MBL2: variants seen among roughly 807,000 people sequenced by gnomAD.
MBL2 encodes the protein mannose binding lectin 2, also known as mannose-binding protein C.
MBL2 carries 6 observed loss-of-function variants against 12.7 expected under a neutral mutation model. That is an observed-to-expected ratio of 0.47 (90% CI 0.26 to 0.94). The LOEUF (loss-of-function observed/expected upper bound fraction) is 0.94. MBL2 is among the 40% of genes least tolerant of loss of function. The pLI, the probability that MBL2 is intolerant of heterozygous loss-of-function variation, is 0.15. For synonymous variants in MBL2, 114 were observed against 112.0 expected, an observed-to-expected ratio of 1.02 and a Z score of -0.11; for missense variants, 307 against 295.2, an observed-to-expected ratio of 1.04 and a Z score of -0.29.
rs925810142 is a variant in MBL2, at chr10:52,770,763, C to T, written c.211G>A (p.Gly71Ser). 2 of 1,501,804 alleles carry T rather than the reference C, an allele frequency of 1.3e-6. No individual in the cohort carries two copies. The allele number at this position is 1,501,804 out of a possible 1,614,324, so 93.0% of individuals were successfully genotyped here. The change falls in exon 3 of 5, where the codon GGC becomes AGC. Residue 71 changes from glycine (G) to serine (S), a missense_variant. Transcript: ENST00000674931. ...GGAGGCCCCAACTTTCCAGGGGGGC[C>T]CTGTAAGCCTCTGAGCCCTTGGCCT... ...EPGQGLRGLQ[G>S]PPGKLGPPGN... is the part of the protein sequence containing the mutation.
At chr10:52,768,593 C>G (rs930509) in intron 4 of MBL2, 83 bp from the exon 5 acceptor site, 809,606 of 1,005,892 alleles carry the variant, frequency 0.8, 326,851 homozygotes, top group Admixed American at 0.89. Flanking sequence ...TTCTAGAGTA[C>G]AGTTGCCGGA....
intron 2 of MBL2, 108 bp from the exon 3 acceptor site, chr10:52,770,894 A>G: frequency 1.8e-6 from 1 of 543,118 alleles, no homozygotes; most frequent in South Asian, 5.3e-5. Flanking sequence ...TTGACCCAGG[A>G]CTGACCTTTC....
At chr10:52,770,830 GCT>G (rs745885940) in intron 2 of MBL2, 44 bp from the exon 3 acceptor site, 2 of 1,117,390 alleles carry the variant, frequency 1.8e-6, no homozygotes, top group South Asian at 2.3e-5. Flanking sequence ...CTATGTTCTT[GCT>G]CTCTCTCTTC....
chr10:52,770,760 G>A lies in MBL2; in HGVS notation c.214C>T (p.Pro72Ser). The change falls in exon 3 of 5, where the codon CCC becomes TCC. Residue 72 changes from proline (P) to serine (S), a missense_variant. Physicochemically the swap from Pro to Ser is moderately conservative, Grantham distance 74 (BLOSUM62 -1). Coordinates refer to ENST00000674931, the MANE Select transcript of MBL2 (RefSeq NM_001378373.1). ...PGQGLRGLQG[P>S]PGKLGPPGNP... Reference sequence around the variant, plus strand: ...CCTGGAGGCCCCAACTTTCCAGGGGGGCCCTGTAAGCCTCTGAGCCCTTGG... The same window carrying A: ...CCTGGAGGCCCCAACTTTCCAGGGGAGCCCTGTAAGCCTCTGAGCCCTTGG... 6.6e-7 allele frequency: 1 copy of A among 1,509,702 alleles called. No homozygotes were observed. Among genetic ancestry groups the A allele is most frequent in the Non-Finnish European group, 8.9e-7 (1 of 1,122,568 alleles). 93.5% of individuals were successfully genotyped at this position (1,509,702 alleles called of 1,614,324 possible). A position where few individuals can be genotyped will look rare whatever the true frequency, so the allele number is the denominator to read the frequency against.
Position 52,766,850 on chromosome 10 carries a change from G to A in MBL2, c.*1287C>T, listed in dbSNP as rs551861672. Reference sequence around the variant, plus strand: ...TTAAACAAAATACAAAAATGTGAACGGGTACTTCACAAAAGAAGATACCCA... The same window carrying A: ...TTAAACAAAATACAAAAATGTGAACAGGTACTTCACAAAAGAAGATACCCA... On this transcript the variant is annotated 3_prime_UTR_variant, in exon 5 of 5. Coordinates refer to ENST00000674931, the MANE Select transcript of MBL2 (RefSeq NM_001378373.1). 7.9e-5 allele frequency: 12 copies of A among 151,062 alleles called. No individual in the cohort carries two copies. The highest frequency in any genetic ancestry group is 2.1e-4 in the South Asian group (1 of 4,796). The allele number at this position is 151,062 out of a possible 1,614,324, so 9.4% of individuals were successfully genotyped here.
At chr10:52,770,864 T>G in intron 2 of MBL2, 78 bp from the exon 3 acceptor site, 1 of 770,182 alleles carries the variant, frequency 1.3e-6, no homozygotes, top group African/African-American at 1.8e-5. Context: ...GCCCAATCCC[T>G]TCTCAGGAGA....
At position 52,768,478 on chromosome 10, in the gene MBL2, T is replaced by A. The variant is rs1840341490; in HGVS notation, c.406A>T (p.Asn136Tyr). 6.3e-7 allele frequency: 1 copy of A among 1,588,070 alleles called. No homozygotes were observed. Among genetic ancestry groups the A allele is most frequent in the Admixed American group, 1.8e-5 (1 of 56,494 alleles). ...LTFSLGKQVG[N>Y]KFFLTNGEIM... The stretch of plus-strand genomic sequence containing the variant: ...TCACCATTGGTCAGGAAGAACTTGT[T>A]CCCAACTTGTTTGCCCAGAGAGAAG... The change falls in exon 5 of 5, where the codon AAC becomes TAC. Residue 136 changes from asparagine to tyrosine, a missense_variant. Coordinates refer to ENST00000674931, the MANE Select transcript of MBL2 (RefSeq NM_001378373.1).
intron 3 of MBL2, 23 bp from the exon 4 acceptor site, chr10:52,769,338 A>G (rs1840355866): frequency 1.9e-6 from 3 of 1,538,822 alleles, no homozygotes; most frequent in Non-Finnish European, 2.7e-6. Context: ...AACAAAGTAA[A>G]GAAGCATTGT....
At chr10:52,769,824 C>A (rs982779748) in intron 3 of MBL2, among the ~76,000 whole-genome samples, 6 of 152,126 alleles carry the variant, frequency 3.9e-5, no homozygotes, top group Non-Finnish European at 8.8e-5. Context: ...TGCCCATTAT[C>A]CAAGTGGGGA....
In MBL2 at chr10:52,767,907, C is replaced by T. The variant is rs776286808; in HGVS notation, c.*230G>A. 6 of 387,440 alleles carry T rather than the reference C, an allele frequency of 1.5e-5. No homozygotes were observed. The Admixed American group carries it at 2.4e-4, about 16-fold the overall frequency. 24.0% of individuals were successfully genotyped at this position (387,440 alleles called of 1,614,324 possible). Reference sequence around the variant, plus strand: ...ATGTAGGATGCAAAAGATAGGGCCTCATAGTATATATTAAAAATATTATAT... The same window carrying T: ...ATGTAGGATGCAAAAGATAGGGCCTTATAGTATATATTAAAAATATTATAT... On this transcript the variant is annotated 3_prime_UTR_variant, in exon 5 of 5. Transcript: ENST00000674931.
Position 52,769,242 on chromosome 10 carries a change from C to T in MBL2, c.373+5G>A, listed in dbSNP as rs753959115. ...GCTGCCTGGAGAGTAAGAGAAAAAG[C>T]TTACACTTTTTGATACGTGCCATTT... On this transcript the variant is annotated splice_donor_5th_base_variant and intron_variant, in intron 4 of 4. Transcript: ENST00000674931. The T allele has an allele frequency of 6.2e-7, 1 of 1,602,476 alleles. No individual in the cohort carries two copies.
rs372226530 is a variant in MBL2 at position 52,771,553 on chromosome 10, G to A, written c.83C>T (p.Ala28Val). ...SYSETVTCED[A>V]QKTCPAVIAC... ...AATCACTGCAGGGCAGGTCTTTTGGGCATCCTCACAGGTCACAGTTTCTGA... is the reference window on the plus strand; with the variant it reads ...AATCACTGCAGGGCAGGTCTTTTGGACATCCTCACAGGTCACAGTTTCTGA... The change falls in exon 2 of 5, where the codon GCC becomes GTC. Residue 28 changes from alanine (A) to valine (V), a missense_variant. Coordinates refer to ENST00000674931, the MANE Select transcript of MBL2 (RefSeq NM_001378373.1). 6.2e-6 allele frequency: 10 copies of A among 1,613,924 alleles called. No homozygotes were observed. Among genetic ancestry groups the A allele is most frequent in the Non-Finnish European group, 8.5e-6 (10 of 1,179,892 alleles).
At chr10:52,769,616 T>A (rs909239442) in intron 3 of MBL2, among the ~76,000 whole-genome samples, 1 of 150,472 alleles carries the variant, frequency 6.6e-6, no homozygotes, top group Admixed American at 6.6e-5. Context: ...CTTCACAGAT[T>A]TTTTTTTCAA....
At chr10:52,769,920 A>T (rs1051422241) in intron 3 of MBL2, among the ~76,000 whole-genome samples, 3 of 151,570 alleles carry the variant, frequency 2.0e-5, no homozygotes, top group Non-Finnish European at 4.4e-5. Context: ...TGAGTCTATT[A>T]CCCCACTCCT....
chr10:52,772,362 G>A (rs937365544), intron 1 of MBL2, among the ~76,000 whole-genome samples: 1 of 152,092 alleles, frequency 6.6e-6, no homozygotes, highest in African/African-American at 2.4e-5. Flanking sequence ...CATGTTCTGT[G>A]AGTCAAAAAC....
intron 4 of MBL2, 29 bp from the exon 5 acceptor site, chr10:52,768,539 A>C: frequency 1.3e-6 from 2 of 1,486,276 alleles, no homozygotes; most frequent in South Asian, 2.7e-5. Context: ...GGTGAAACTG[A>C]CTCATCCTTA....
chr10:52,768,324 G>T lies in MBL2; in HGVS notation c.560C>A (p.Thr187Asn), dbSNP rs1341715246. The T allele has an allele frequency of 6.2e-7, 1 of 1,613,748 alleles. No individual in the cohort carries two copies. The highest frequency in any genetic ancestry group is 1.3e-5 in the African/African-American group (1 of 74,750). ...AAACTGCCCTTCTGTCTTCTCATCA[G>T]TGATGCCCAGGAAGGCTTCCTCCTT... ...LIKEEAFLGI[T>N]DEKTEGQFVD... Residue 187 changes from threonine to asparagine, a missense_variant, in exon 5 of 5, where the codon ACT becomes AAT. By Grantham distance (65) the Thr-to-Asn change is moderately conservative (BLOSUM62 0). Coordinates refer to ENST00000674931, the MANE Select transcript of MBL2 (RefSeq NM_001378373.1).
chr10:52,769,273 T>C lies in MBL2; in HGVS notation c.347A>G (p.Gln116Arg). ...CTTTTTGATACGTGCCATTTCTGTTTGCAGAGCTTTTCTTTCTGAGGCAGC... is the reference window on the plus strand; with the variant it reads ...CTTTTTGATACGTGCCATTTCTGTTCGCAGAGCTTTTCTTTCTGAGGCAGC... ...SLAASERKAL[Q>R]TEMARIKKWL... Residue 116 changes from glutamine (Q) to arginine (R), a missense_variant, in exon 4 of 5, where the codon CAA (glutamine) becomes CGA (arginine). Gln to Arg is a conservative substitution (Grantham distance 43, BLOSUM62 1). Coordinates refer to ENST00000674931, the MANE Select transcript of MBL2 (RefSeq NM_001378373.1). 1 of 1,612,328 alleles carries C rather than the reference T, an allele frequency of 6.2e-7. No individual in the cohort carries two copies. The highest frequency in any genetic ancestry group is 1.1e-5 in the South Asian group (1 of 90,710).
intron 2 of MBL2, among the ~76,000 whole-genome samples, chr10:52,771,204 A>G (rs1208176750): frequency 2.0e-5 from 3 of 152,064 alleles, no homozygotes; most frequent in Admixed American, 6.6e-5. Flanking sequence ...GAGAAGAAAA[A>G]TTCATCCTGT....
Sources: allele counts gnomAD v4.1 joint callset (sites outside exome capture counted in the v4.1 genomes callset), GRCh38; gene constraint gnomAD v4.1.1; transcripts MANE v1.5; gene names NCBI Gene and HGNC (gene_info 2026-07-23, HGNC 2026-07-21).